PSME4: variants seen among roughly 807,000 people sequenced by gnomAD.
The protein encoded by PSME4 is proteasome activator complex subunit 4.
In PSME4, 89 loss-of-function variants were observed where a neutral mutation model predicts 253.9. The observed-to-expected ratio is 0.35, with a 90% CI of 0.30 to 0.42. PSME4 has a LOEUF of 0.42. Ranked by LOEUF, PSME4 falls within the 10% of genes least tolerant of loss-of-function variation. PSME4 has a pLI of 1.00. For synonymous variants in PSME4, 851 were observed against 759.2 expected, an observed-to-expected ratio of 1.12 and a Z score of -1.99; for missense variants, 2,014 against 2,195.2, an observed-to-expected ratio of 0.92 and a Z score of 1.65.
chr2:53,932,130 T>C (rs199637085), intron 9 of PSME4, 30 bp from the exon 10 acceptor site: 2 of 1,599,054 alleles, frequency 1.3e-6, no homozygotes, highest in Non-Finnish European at 1.7e-6. Flanking sequence ...AAGTTCTAAG[T>C]AGGTTCTACT....
chr2:53,894,955 T>A, intron 34 of PSME4, 52 bp downstream of exon 34: 1 of 1,480,634 alleles, frequency 6.8e-7, no homozygotes, highest in South Asian at 1.2e-5. Context: ...TTGAGATAAA[T>A]CAGTGGCCCA....
intron 17 of PSME4, among the ~76,000 whole-genome samples, chr2:53,921,617 C>T (rs1176838518): frequency 6.8e-6 from 1 of 146,188 alleles, no homozygotes; most frequent in East Asian, 2.1e-4. Context: ...GCCTGTAATC[C>T]CAGCACTTTG....
chr2:53,867,756 C>G (rs1244025424), intron 44 of PSME4, among the ~76,000 whole-genome samples: 1 of 150,982 alleles, frequency 6.6e-6, no homozygotes, highest in Non-Finnish European at 1.5e-5. Context: ...CCAGTACAAT[C>G]CCTGATTCTA....
chr2:53,889,075 G>A (rs1437016691), intron 37 of PSME4, among the ~76,000 whole-genome samples: 1 of 152,090 alleles, frequency 6.6e-6, no homozygotes, highest in Non-Finnish European at 1.5e-5. Context: ...ACGTTGCCCA[G>A]GCTGGTCTCC....
At chr2:53,916,954 C>A (rs1668088697) in intron 20 of PSME4, among the ~76,000 whole-genome samples, 2 of 151,898 alleles carry the variant, frequency 1.3e-5, no homozygotes, top group African/African-American at 4.8e-5. Context: ...TTTATACAAT[C>A]ATTATCCCCC....
At chr2:53,893,914 T>A in intron 34 of PSME4, 115 bp from the exon 35 acceptor site, 1 of 1,383,232 alleles carries the variant, frequency 7.2e-7, no homozygotes. Flanking sequence ...TATTTTTGTT[T>A]CCATGAATTC....
At chr2:53,950,027 C>A (rs1445406953) in intron 1 of PSME4, among the ~76,000 whole-genome samples, 3 of 152,160 alleles carry the variant, frequency 2.0e-5, no homozygotes, top group African/African-American at 7.2e-5. Context: ...GTAATCCCTG[C>A]ACTTTGAGAG....
intron 43 of PSME4, 151 bp from the exon 44 acceptor site, chr2:53,869,689 T>C (rs546942805): frequency 6.0e-6 from 3 of 498,838 alleles, no homozygotes; most frequent in African/African-American, 5.7e-5. Context: ...TAATAGAGAT[T>C]TCAGCAGATT....
At chr2:53,903,197 T>C (rs1436826977) in intron 27 of PSME4, among the ~76,000 whole-genome samples, 1 of 152,222 alleles carries the variant, frequency 6.6e-6, no homozygotes, top group African/African-American at 2.4e-5. Flanking sequence ...GACTCAGATG[T>C]CTAACTGCCC....
chr2:53,866,507 T>C (rs1678572347), intron 45 of PSME4, among the ~76,000 whole-genome samples: 1 of 152,200 alleles, frequency 6.6e-6, no homozygotes, highest in Admixed American at 6.5e-5. Flanking sequence ...AGTACTTTAC[T>C]TCCATTGGAC....
At chr2:53,908,752 T>A (rs1436209023) in intron 22 of PSME4, 32 bp downstream of exon 22, 1 of 1,536,794 alleles carries the variant, frequency 6.5e-7, no homozygotes, top group Non-Finnish European at 8.9e-7. Context: ...TATTCCAAAG[T>A]ACAAATAAGT....
At position 53,920,908 on chromosome 2, in the gene PSME4, G is replaced by C. The variant is rs962430352; in HGVS notation, c.2243C>G (p.Ser748Cys). 6.2e-7 allele frequency: 1 copy of C among 1,606,530 alleles called. No homozygotes were observed. Among genetic ancestry groups the C allele is most frequent in the Non-Finnish European group, 8.5e-7 (1 of 1,173,248 alleles). Reference protein sequence around the residue: ...SVPGGFDKPPSEYFPIKDWGK... With the variant: ...SVPGGFDKPPCEYFPIKDWGK... Reference sequence around the variant, plus strand: ...GCTTGCCTTGATAGGAAAGTATTCAGAAGGAGGCTTGTCAAAGCCACCTGG... The same window carrying C: ...GCTTGCCTTGATAGGAAAGTATTCACAAGGAGGCTTGTCAAAGCCACCTGG... The change falls in exon 18 of 47, where the codon TCT becomes TGT. Residue 748 changes from serine (S) to cysteine (C), a missense_variant. Coordinates refer to ENST00000404125, the MANE Select transcript of PSME4 (RefSeq NM_014614.3).
chr2:53,883,429 G>A (rs1679486007), intron 41 of PSME4, among the ~76,000 whole-genome samples: 1 of 152,114 alleles, frequency 6.6e-6, no homozygotes, highest in African/African-American at 2.4e-5. Flanking sequence ...GTGCCCAGGA[G>A]ATTGACGCTG....
chr2:53,957,455 C>T (rs1389614282), intron 1 of PSME4, among the ~76,000 whole-genome samples: 1 of 152,170 alleles, frequency 6.6e-6, no homozygotes, highest in African/African-American at 2.4e-5. Flanking sequence ...ACAAGATTCT[C>T]ACAAAGAGCA....
chr2:53,870,829 T>G (rs900421211), intron 43 of PSME4: 10 of 150,582 alleles, frequency 6.6e-5, no homozygotes, highest in African/African-American at 2.4e-4. Context: ...AGGTCTCACT[T>G]TTTTTTTTGT....
rs554997170 is a variant in PSME4, at chr2:53,934,724, A to G, written c.838T>C (p.Phe280Leu). The G allele has an allele frequency of 8.2e-6, 13 of 1,582,772 alleles. No homozygotes were observed. Among genetic ancestry groups the G allele is most frequent in the Non-Finnish European group, 1.1e-5 (13 of 1,155,256 alleles). ...IDWDPYVPKI[F>L]TRILRSLNLP... ...TTCAAGCTTCTCAGAATTCTTGTAA[A>G]TATCTTTTAAAAGAAAAAAATAAGT... The change falls in exon 8 of 47, where the codon TTT (phenylalanine) becomes CTT (leucine). Residue 280 changes from phenylalanine to leucine, a missense_variant. Physicochemically the swap from Phe to Leu is conservative, Grantham distance 22 (BLOSUM62 0). This residue lies in a region of PSME4 where 615 missense variants were observed against 594.4 expected (regional missense o/e 1.03). Coordinates refer to ENST00000404125, the MANE Select transcript of PSME4 (RefSeq NM_014614.3).
At chr2:53,891,189 A>G (rs1409326785) in intron 36 of PSME4, among the ~76,000 whole-genome samples, 1 of 152,236 alleles carries the variant, frequency 6.6e-6, no homozygotes, top group African/African-American at 2.4e-5. Flanking sequence ...TTAATTTAGT[A>G]ATCAGCCTGA....
intron 1 of PSME4, among the ~76,000 whole-genome samples, chr2:53,966,224 C>G (rs1232421553): frequency 2.0e-5 from 3 of 152,128 alleles, no homozygotes; most frequent in African/African-American, 7.2e-5. Context: ...GCAGAGGCTG[C>G]AGTGAGCCGA....
chr2:53,937,521 T>C lies in PSME4; in HGVS notation c.565A>G (p.Thr189Ala). Residue 189 changes from threonine (T) to alanine (A), a missense_variant, in exon 5 of 47, where the codon ACC becomes GCC. By Grantham distance (58) the Thr-to-Ala change is moderately conservative. Coordinates refer to ENST00000404125, the MANE Select transcript of PSME4 (RefSeq NM_014614.3). ...CGCCATTCTTCTAGCATCTCAGCGG[T>C]GGCATCTGCTGGAAAATATCTAATA... ...SCRPYFPADA[T>A]AEMLEEWRPL... 6.2e-7 allele frequency: 1 copy of C among 1,609,880 alleles called. No homozygotes were observed. The highest frequency in any genetic ancestry group is 8.5e-7 in the Non-Finnish European group (1 of 1,178,938).
Sources: gnomAD v4.1 joint callset for allele counts (sites outside exome capture counted in the v4.1 genomes callset) on GRCh38, gnomAD v4.1.1 for gene constraint, gnomAD v4.1.1 regional missense constraint, MANE v1.5 for transcripts, NCBI Gene and HGNC (gene_info 2026-07-23, HGNC 2026-07-21) for gene names.